The following COL6A3 variants were observed in gnomAD, a reference collection of about 807,000 sequenced individuals.
The protein encoded by COL6A3 is collagen type VI alpha 3 chain.
A neutral mutation model predicts 274.1 loss-of-function variants in COL6A3; 137 were observed. The ratio of observed to expected loss-of-function variants is 0.50; its 90% confidence interval spans 0.44 to 0.58. The LOEUF (loss-of-function observed/expected upper bound fraction) is 0.58. Ranked by LOEUF, COL6A3 falls within the 20% of genes least tolerant of loss-of-function variation. The probability of loss-of-function intolerance (pLI) is 0.00; values close to 1 mark genes in which losing one functional copy is unlikely to be tolerated. For missense variants in COL6A3, 3,950 were observed against 4,124.9 expected, an observed-to-expected ratio of 0.96 and a Z score of 1.16; for synonymous variants, 1,650 against 1,650.6, an observed-to-expected ratio of 1.00 and a Z score of 0.01.
rs202185764 is a variant in COL6A3 at position 237,376,870 on chromosome 2, G to T, written c.2972C>A (p.Ala991Glu). 1 of 1,614,186 alleles carries T rather than the reference G, an allele frequency of 6.2e-7. No homozygotes were observed. Among genetic ancestry groups the T allele is most frequent in the African/African-American group, 1.3e-5 (1 of 75,056 alleles). Residue 991 changes from alanine to glutamate, a missense_variant, in exon 7 of 44, where the codon GCG (alanine) becomes GAG (glutamate). By Grantham distance (107) the Ala-to-Glu change is moderately radical. Coordinates refer to ENST00000295550, the MANE Select transcript of COL6A3 (RefSeq NM_004369.4). ...AAGCGACTCTGCAGCCAGGATAAAC[G>T]CTGGAGACAGCACGATCTGCTCTAA... ...AELEQIVLSPAFILAAESLPK... is the reference protein window; with the variant it reads ...AELEQIVLSPEFILAAESLPK...
rs1358585617 is a variant in COL6A3, at chr2:237,351,173, C to G, written c.6773G>C (p.Gly2258Ala). The G allele has an allele frequency of 4.3e-6, 7 of 1,614,066 alleles. No individual in the cohort carries two copies. The East Asian group carries it at 1.3e-4, about 31-fold the overall frequency. The change falls in exon 27 of 44, where the codon GGT becomes GCT. Residue 2258 changes from glycine (G) to alanine (A), a missense_variant. This residue lies in a region of COL6A3 where 1,284 missense variants were observed against 1,349.7 expected (regional missense o/e 0.95). Coordinates refer to ENST00000295550, the MANE Select transcript of COL6A3 (RefSeq NM_004369.4). ...GGTTCTGCCTCGTTCTCCAGGAGCA[C>G]CAGCGGCACCTCCGCTTCCCTGGAG... The part of the protein sequence containing the change: ...SGPRGSGGAA[G>A]APGERGRTGP...
rs2078759714 is a variant in COL6A3, at chr2:237,407,904, T to G, written c.-31+6049A>C. Among the ~76,000 whole-genome samples, 1 of 152,188 alleles carries G rather than the reference T, an allele frequency of 6.6e-6. No homozygotes were observed. The highest frequency in any genetic ancestry group is 2.1e-4 in the South Asian group (1 of 4,832). On this transcript the variant is annotated intron_variant, in intron 1 of 43. Transcript: ENST00000295550. The surrounding 1 kb of genome is among the most constrained non-coding windows in gnomAD (Gnocchi z 4.3). ...AATGCTTCAAGAAATATTGCACAAA[T>G]GCCCACTCCATTCCAACTCCTTGCC...
intron 9 of COL6A3, among the ~76,000 whole-genome samples, chr2:237,369,880 C>T (rs1157492597): frequency 2.0e-5 from 3 of 151,588 alleles, no homozygotes; most frequent in Non-Finnish European, 4.4e-5. Context: ...TTCTATCTCC[C>T]AGGCTGGAGT....
At chr2:237,330,592 A>G (rs1336451943) in intron 42 of COL6A3, among the ~76,000 whole-genome samples, 2 of 152,238 alleles carry the variant, frequency 1.3e-5, no homozygotes, top group Non-Finnish European at 2.9e-5. Context: ...TAGGTATATT[A>G]ATGGAATCAA....
At chr2:237,336,016 G>A (rs1700522862) in intron 40 of COL6A3, 119 bp downstream of exon 40, 3 of 1,294,808 alleles carry the variant, frequency 2.3e-6, no homozygotes, top group Non-Finnish European at 3.3e-6. Context: ...TCATCCAGGT[G>A]TACAAGCCCA....
chr2:237,395,389 T>C (rs1238380682), intron 2 of COL6A3, among the ~76,000 whole-genome samples, 185 bp from the exon 3 acceptor site: 2 of 152,176 alleles, frequency 1.3e-5, no homozygotes, highest in African/African-American at 4.8e-5. Context: ...ATGCACTCAA[T>C]AGCTGCTGGT....
Position 237,394,729 on chromosome 2 carries a change from T to C in COL6A3, c.567A>G (p.Ala189=). 6.2e-7 allele frequency: 1 copy of C among 1,614,218 alleles called. No homozygotes were observed. The highest frequency in any genetic ancestry group is 8.5e-7 in the Non-Finnish European group (1 of 1,180,040). ...DADEGALKEI[A]SEPLNMHMFN... ...ACATATGCATATTGAGCGGTTCACT[T>C]GCTATTTCTTTTAACGCTCCTTCAT... Residue 189 remains alanine, a synonymous_variant, in exon 3 of 44, where the codon GCA becomes GCG. Coordinates refer to ENST00000295550, the MANE Select transcript of COL6A3 (RefSeq NM_004369.4).
At chr2:237,388,309 C>T (rs1294267175) in intron 3 of COL6A3, 125 bp from the exon 4 acceptor site, 1 of 1,187,628 alleles carries the variant, frequency 8.4e-7, no homozygotes, top group Non-Finnish European at 1.2e-6. Flanking sequence ...AAACAAAACA[C>T]ATGTTGATGA....
Position 237,350,195 on chromosome 2 carries a change from C to G in COL6A3, c.6831G>C (p.Glu2277Asp), listed in dbSNP as rs1160283424. The G allele has an allele frequency of 1.2e-6, 2 of 1,614,080 alleles. No homozygotes were observed. Among genetic ancestry groups the G allele is most frequent in the South Asian group, 2.2e-5 (2 of 91,078 alleles). Residue 2277 changes from glutamate (E) to aspartate (D), a missense_variant, in exon 28 of 44, where the codon GAG (glutamate) becomes GAC (aspartate). Physicochemically the swap from Glu to Asp is conservative, Grantham distance 45. Coordinates refer to ENST00000295550, the MANE Select transcript of COL6A3 (RefSeq NM_004369.4). ...TCCCGATTCCTCCTTTTGGTCCTGGCTCTCCGGGCTCACCCTAGACATGAG... is the reference window on the plus strand; with the variant it reads ...TCCCGATTCCTCCTTTTGGTCCTGGGTCTCCGGGCTCACCCTAGACATGAG... ...GPLGRKGEPG[E>D]PGPKGGIGNR...
intron 42 of COL6A3, chr2:237,332,934 T>C: frequency 5.3e-6 from 1 of 187,942 alleles, no homozygotes; most frequent in Non-Finnish European, 1.1e-5. Flanking sequence ...CACTCTGGGG[T>C]TCAAGCACAT....
rs372900447 is a variant in COL6A3 at position 237,339,075 on chromosome 2, C to T, written c.8507G>A (p.Cys2836Tyr). ...FYLSPDIRKQ[C>Y]DWFQGDQPTK... is the part of the protein sequence containing the mutation. ...GGGTTGGTCCCCTTGGAACCAATCA[C>T]ACTGTTTCCTGATATCTGGGGACAA... The change falls in exon 39 of 44, where the codon TGT (cysteine) becomes TAT (tyrosine). Residue 2836 changes from cysteine to tyrosine, a missense_variant. Physicochemically the swap from Cys to Tyr is radical, Grantham distance 194. Transcript: ENST00000295550. The T allele has an allele frequency of 6.2e-7, 1 of 1,614,006 alleles. No homozygotes were observed. Among genetic ancestry groups the T allele is most frequent in the African/African-American group, 1.3e-5 (1 of 74,924 alleles).
At chr2:237,373,171 G>A (rs900546320) in intron 8 of COL6A3, among the ~76,000 whole-genome samples, 1 of 152,118 alleles carries the variant, frequency 6.6e-6, no homozygotes, top group Non-Finnish European at 1.5e-5. Flanking sequence ...GAGTGAGTGG[G>A]CAAAGAGCCA....
In COL6A3 at chr2:237,383,585, C is replaced by A. The variant is rs573613954; in HGVS notation, c.1313-2086G>T. Among the ~76,000 whole-genome samples, 9 of 151,942 alleles carry A rather than the reference C, an allele frequency of 5.9e-5. No individual in the cohort carries two copies. In the East Asian group the frequency reaches 1.7e-3, roughly 29 times the overall value. ...TAGACACATATAAATTCCATATATG[C>A]TATACCATGAATCTACCACTCATGT... is the stretch of plus-strand genomic sequence containing the variant. On this transcript the variant is annotated intron_variant, in intron 4 of 43. Coordinates refer to ENST00000295550, the MANE Select transcript of COL6A3 (RefSeq NM_004369.4).
rs1188295391 is a variant in COL6A3, at chr2:237,346,536, T to A, written c.7059A>T (p.Gly2353=). 8.1e-6 allele frequency: 13 copies of A among 1,614,028 alleles called. No individual in the cohort carries two copies. The highest frequency in any genetic ancestry group is 1.1e-5 in the Non-Finnish European group (13 of 1,179,946). ...CTGGGTAGCCAGGGTCTCCCTTCTG[T>A]CCAACTATCCCTGGAGGTCCCGAAT... is the stretch of plus-strand genomic sequence containing the variant. ...RGNSGPPGIV[G]QKGDPGYPGP... The change falls in exon 32 of 44, where the codon GGA becomes GGT. Residue 2353 remains glycine (G), a synonymous_variant. Transcript: ENST00000295550.
chr2:237,394,864 C>A lies in COL6A3; in HGVS notation c.432G>T (p.Gln144His). 1 of 1,612,534 alleles carries A rather than the reference C, an allele frequency of 6.2e-7. No homozygotes were observed. Among genetic ancestry groups the A allele is most frequent in the Non-Finnish European group, 8.5e-7 (1 of 1,178,622 alleles). ...GTCCATCAGTTAACACTACGATAAC[C>A]TGAGGGACTCCGTCACCGGCCCGGC... Reference protein sequence around the residue: ...AGSRAGDGVPQVIVVLTDGHS... With the variant: ...AGSRAGDGVPHVIVVLTDGHS... The change falls in exon 3 of 44, where the codon CAG becomes CAT. Residue 144 changes from glutamine (Q) to histidine (H), a missense_variant. Physicochemically the swap from Gln to His is conservative, Grantham distance 24 (BLOSUM62 0). Coordinates refer to ENST00000295550, the MANE Select transcript of COL6A3 (RefSeq NM_004369.4).
chr2:237,374,386 G>A lies in COL6A3; in HGVS notation c.3679+26C>T. 1 of 1,608,544 alleles carries A rather than the reference G, an allele frequency of 6.2e-7. No homozygotes were observed. Among genetic ancestry groups the A allele is most frequent in the Non-Finnish European group, 8.5e-7 (1 of 1,179,954 alleles). Reference sequence around the variant, plus strand: ...GTAGCCCCAGACAATGACACTGAGTGAGGATGCAAAGAGTTCCCTGCGTAC... The same window carrying A: ...GTAGCCCCAGACAATGACACTGAGTAAGGATGCAAAGAGTTCCCTGCGTAC... On this transcript the variant is annotated intron_variant, in intron 8 of 43. Coordinates refer to ENST00000295550, the MANE Select transcript of COL6A3 (RefSeq NM_004369.4). The surrounding 1 kb of genome is among the most constrained non-coding windows in gnomAD (Gnocchi z 4.8).
intron 6 of COL6A3, among the ~76,000 whole-genome samples, chr2:237,378,315 C>G (rs2077904581): frequency 6.6e-6 from 1 of 152,208 alleles, no homozygotes; most frequent in African/African-American, 2.4e-5. Context: ...CTGTCTCCCT[C>G]CACCCCATGA....
Position 237,378,902 on chromosome 2 carries a change from G to A in COL6A3, c.2231C>T (p.Pro744Leu), listed in dbSNP as rs199504304. Residue 744 changes from proline to leucine, a missense_variant, in exon 6 of 44, where the codon CCG (proline) becomes CTG (leucine). Physicochemically the swap from Pro to Leu is moderately conservative, Grantham distance 98. Around this residue, in one of 5 missense-constraint regions of COL6A3, gnomAD observed 1,934 missense variants for 1,984.3 expected, o/e 0.97. Coordinates refer to ENST00000295550, the MANE Select transcript of COL6A3 (RefSeq NM_004369.4). Reference sequence around the variant, plus strand: ...AGCTGTGAGCAGAAGCAGGAGCTGCGGCACGTGTTCACGGATCCTGCTGCC... The same window carrying A: ...AGCTGTGAGCAGAAGCAGGAGCTGCAGCACGTGTTCACGGATCCTGCTGCC... ...AGGSRIREHV[P>L]QLLLLLTAGQ... is the part of the protein sequence containing the mutation. 296 of 1,614,206 alleles carry A rather than the reference G, an allele frequency of 1.8e-4. No homozygotes were observed. Among genetic ancestry groups the A allele is most frequent in the Non-Finnish European group, 2.1e-4 (249 of 1,180,022 alleles).
intron 1 of COL6A3, among the ~76,000 whole-genome samples, chr2:237,403,910 C>T (rs1409299884): frequency 6.6e-6 from 1 of 151,972 alleles, no homozygotes; most frequent in African/African-American, 2.4e-5. Context: ...ACTTTTCCAC[C>T]AAGCTCTACC....
Sources: gnomAD v4.1 joint callset for allele counts (sites outside exome capture counted in the v4.1 genomes callset) on GRCh38, gnomAD v4.1.1 for gene constraint, gnomAD v4.1.1 regional missense constraint, Gnocchi (gnomAD v3.1) non-coding constraint, MANE v1.5 for transcripts, NCBI Gene and HGNC (gene_info 2026-07-23, HGNC 2026-07-21) for gene names.